The following CNTN5 variants were observed in gnomAD, a reference collection of about 807,000 sequenced individuals.
CNTN5 encodes the protein contactin 5, also known as contactin-5.
A neutral mutation model predicts 129.1 loss-of-function variants in CNTN5; 77 were observed. That is an observed-to-expected ratio of 0.60 (90% CI 0.50 to 0.72). The LOEUF (loss-of-function observed/expected upper bound fraction) is 0.72. Among genes scored for constraint, CNTN5 ranks in the 30% least tolerant of loss-of-function variants. The pLI is 0.00. For missense variants in CNTN5, 1,478 were observed against 1,328.8 expected (o/e 1.11, Z -1.75); for synonymous variants, 509 against 465.6 (o/e 1.09, Z -1.20).
At chr11:99,024,366 T>A (rs2135060533) in intron 1 of CNTN5, among the ~76,000 whole-genome samples, 1 of 152,260 alleles carries the variant, frequency 6.6e-6, no homozygotes, top group South Asian at 2.1e-4. Context: ...TATAGTGTTT[T>A]AATACAGTGG....
At chr11:99,772,872 G>A (rs1031947796) in intron 3 of CNTN5, among the ~76,000 whole-genome samples, 11 of 152,040 alleles carry the variant, frequency 7.2e-5, no homozygotes, top group African/African-American at 2.7e-4. Context: ...TGGGATTGTA[G>A]ATCATGTAGT....
chr11:99,774,333 T>G (rs34843165), intron 3 of CNTN5, among the ~76,000 whole-genome samples: 13 of 145,612 alleles, frequency 8.9e-5, no homozygotes, highest in Middle Eastern at 3.5e-3. Flanking sequence ...AAACTTCAGG[T>G]TTTTTTTTTG....
chr11:99,884,444 T>C (rs537605821), intron 6 of CNTN5, among the ~76,000 whole-genome samples: 132 of 152,190 alleles, frequency 8.7e-4, no homozygotes, highest in Non-Finnish European at 1.6e-3. Flanking sequence ...TAAAATGAAA[T>C]ATGTTTACTG....
At chr11:100,115,047 C>T (rs1408971301) in intron 13 of CNTN5, among the ~76,000 whole-genome samples, 1 of 149,744 alleles carries the variant, frequency 6.7e-6, no homozygotes, top group Non-Finnish European at 1.5e-5. Flanking sequence ...TTTAGGACTG[C>T]CTCCTCTCCC....
intron 2 of CNTN5, among the ~76,000 whole-genome samples, chr11:99,385,581 G>A (rs1025031757): frequency 6.6e-6 from 1 of 152,216 alleles, no homozygotes; most frequent in Non-Finnish European, 1.5e-5. Flanking sequence ...TGACATAGTA[G>A]AGAGAGAAAA....
intron 1 of CNTN5, among the ~76,000 whole-genome samples, chr11:99,288,284 A>G (rs770810410): frequency 6.6e-6 from 1 of 151,884 alleles, no homozygotes; most frequent in South Asian, 2.1e-4. Context: ...TAGGACACTC[A>G]CTGAAATTTA....
intron 12 of CNTN5, among the ~76,000 whole-genome samples, chr11:100,072,626 T>G (rs1454029154): frequency 6.6e-6 from 1 of 152,180 alleles, no homozygotes; most frequent in Non-Finnish European, 1.5e-5. Context: ...TAAATTTAAA[T>G]TCTCAAAGCA....
At chr11:100,005,427 C>T (rs768147783) in intron 9 of CNTN5, among the ~76,000 whole-genome samples, 1 of 152,126 alleles carries the variant, frequency 6.6e-6, no homozygotes, top group East Asian at 1.9e-4. Context: ...ACCTACCATT[C>T]TCCAACTCTC....
intron 20 of CNTN5, among the ~76,000 whole-genome samples, chr11:100,302,389 G>C (rs189393664): frequency 3.3e-5 from 5 of 151,662 alleles, no homozygotes; most frequent in Admixed American, 2.6e-4. Context: ...GAGCGAAATT[G>C]TATTTCTCCA....
chr11:100,200,593 G>T (rs1212059392), intron 15 of CNTN5, among the ~76,000 whole-genome samples: 6 of 151,822 alleles, frequency 4.0e-5, no homozygotes, highest in Non-Finnish European at 8.8e-5. Context: ...GTCAGAGAGA[G>T]AATATAAAGC....
At position 99,329,210 on chromosome 11, in the gene CNTN5, G is replaced by A. The variant is rs1865907189; in HGVS notation, c.-71+3726G>A. 2.6e-5 allele frequency among the ~76,000 whole-genome samples: 4 copies of A among 152,310 alleles called. No homozygotes were observed. The South Asian group carries it at 8.3e-4, about 32-fold the overall frequency. ...GAAGAAAAATAAGGAATATATTTTAGTGTGATAATGTAACAGATCATATAG... is the reference window on the plus strand; with the variant it reads ...GAAGAAAAATAAGGAATATATTTTAATGTGATAATGTAACAGATCATATAG... On this transcript the variant is annotated intron_variant, in intron 2 of 24. Transcript: ENST00000524871.
At chr11:99,186,346 C>G (rs1381045976) in intron 1 of CNTN5, among the ~76,000 whole-genome samples, 1 of 151,912 alleles carries the variant, frequency 6.6e-6, no homozygotes, top group Non-Finnish European at 1.5e-5. Flanking sequence ...GTAATGTTCA[C>G]TGACATTCTA....
chr11:99,394,766 G>C (rs1337080396), intron 2 of CNTN5, among the ~76,000 whole-genome samples: 1 of 151,386 alleles, frequency 6.6e-6, no homozygotes, highest in Non-Finnish European at 1.5e-5. Flanking sequence ...TCATTATTTA[G>C]TCCCAGTTAT....
chr11:99,655,116 T>C lies in CNTN5; in HGVS notation c.55+98847T>C, dbSNP rs372048231. Among the ~76,000 whole-genome samples the C allele has an allele frequency of 2.2e-4, 34 of 152,134 alleles. 1 individual carries two copies. In the South Asian group the frequency reaches 6.6e-3, roughly 30 times the overall value. On this transcript the variant is annotated intron_variant, in intron 3 of 24. Transcript: ENST00000524871. ...TCCTCTGTGGGGGTCTTCAAACTGG[T>C]AGGTAGAATTTGGGGTCTTCAAAAA...
chr11:99,971,624 CTA>C (rs1478136436), intron 8 of CNTN5, among the ~76,000 whole-genome samples: 2 of 151,642 alleles, frequency 1.3e-5, no homozygotes, highest in Non-Finnish European at 1.5e-5. Context: ...TCTCTAAAGA[CTA>C]TGTCATTTTG....
chr11:99,825,261 T>C (rs1382210518), intron 4 of CNTN5, among the ~76,000 whole-genome samples: 1 of 152,020 alleles, frequency 6.6e-6, no homozygotes, highest in African/African-American at 2.4e-5. Context: ...CTGTTTTCTA[T>C]ATGTAATTCC....
chr11:99,285,418 G>A (rs552220741), intron 1 of CNTN5, among the ~76,000 whole-genome samples: 1 of 152,166 alleles, frequency 6.6e-6, no homozygotes, highest in Admixed American at 6.5e-5. Context: ...GGAATCCTGT[G>A]AGATTTCATG....
At chr11:99,156,558 T>C (rs896723098) in intron 1 of CNTN5, among the ~76,000 whole-genome samples, 1 of 152,046 alleles carries the variant, frequency 6.6e-6, no homozygotes, top group Non-Finnish European at 1.5e-5. Context: ...TTTAGGACTT[T>C]CTCTACAAAA....
intron 6 of CNTN5, among the ~76,000 whole-genome samples, chr11:99,845,584 G>T (rs945039332): frequency 6.6e-6 from 1 of 151,802 alleles, no homozygotes; most frequent in African/African-American, 2.4e-5. Context: ...GTTTCAGCCG[G>T]GATGGTGTCG....
Sources: allele counts gnomAD v4.1 joint callset (sites outside exome capture counted in the v4.1 genomes callset), GRCh38; gene constraint gnomAD v4.1.1; transcripts MANE v1.5; gene names NCBI Gene and HGNC (gene_info 2026-07-23, HGNC 2026-07-21).